The following RFTN1 variants were observed in gnomAD, a reference collection of about 807,000 sequenced individuals.
The protein encoded by RFTN1 is raftlin.
RFTN1 carries 26 observed loss-of-function variants against 46.5 expected under a neutral mutation model. The ratio of observed to expected loss-of-function variants is 0.56; its 90% CI spans 0.41 to 0.78. The LOEUF is 0.78. Among genes scored for constraint, RFTN1 ranks in the 30% least tolerant of loss-of-function variants. The pLI is 0.00. For missense variants in RFTN1, 693 were observed against 718.7 expected (o/e 0.96, Z 0.41); for synonymous variants, 261 against 284.2 (o/e 0.92, Z 0.82).
At chr3:16,398,470 T>C (rs149197484) in intron 4 of RFTN1, among the ~76,000 whole-genome samples, 18 of 152,272 alleles carry the variant, frequency 1.2e-4, no homozygotes, top group African/African-American at 4.3e-4. Flanking sequence ...GAGTGTCTGC[T>C]GTGAGCAAGA....
intron 7 of RFTN1, among the ~76,000 whole-genome samples, chr3:16,357,463 C>A (rs566452783): frequency 6.6e-6 from 1 of 152,308 alleles, no homozygotes; most frequent in South Asian, 2.1e-4. Flanking sequence ...TCAGTTTCCT[C>A]ATCTATATAA....
chr3:16,453,296 G>T (rs1033109602), intron 2 of RFTN1, among the ~76,000 whole-genome samples: 12 of 152,176 alleles, frequency 7.9e-5, no homozygotes, highest in Non-Finnish European at 1.8e-4. Flanking sequence ...ATCATAAAAT[G>T]ATGTCCAGAG....
intron 4 of RFTN1, among the ~76,000 whole-genome samples, chr3:16,394,610 C>T (rs1158414533): frequency 6.6e-6 from 1 of 152,122 alleles, no homozygotes; most frequent in East Asian, 1.9e-4. Flanking sequence ...TGCTCCTGCT[C>T]TATTAATATT....
At position 16,450,468 on chromosome 3, in the gene RFTN1, T is replaced by G. The variant is rs2075805071; in HGVS notation, c.146-16431A>C. The stretch of plus-strand genomic sequence containing the variant: ...GGCCCATCCAAGGGCTCTCTCCCAC[T>G]GCACCATGATGCTGCATGACCTGAA... On this transcript the variant is annotated intron_variant, in intron 2 of 9. Transcript: ENST00000334133. The surrounding 1 kb of genome is among the most constrained non-coding windows in gnomAD (Gnocchi z 4.6). 6.6e-6 allele frequency among the ~76,000 whole-genome samples: 1 copy of G among 152,204 alleles called. No homozygotes were observed. Among genetic ancestry groups the G allele is most frequent in the Non-Finnish European group, 1.5e-5 (1 of 68,030 alleles).
chr3:16,403,789 T>TTTA (rs2074692206), intron 4 of RFTN1, among the ~76,000 whole-genome samples: 1 of 12,856 alleles, frequency 7.8e-5, no homozygotes, highest in Admixed American at 1.6e-3. Flanking sequence ...ATTATATATT[T>TTTA]TATATATAAT....
rs1388001286 is a variant in RFTN1, at chr3:16,344,394, A to G, written c.1146+13538T>C. Among the ~76,000 whole-genome samples, 2 of 152,102 alleles carry G rather than the reference A, an allele frequency of 1.3e-5. No individual in the cohort carries two copies. Among genetic ancestry groups the G allele is most frequent in the East Asian group, 3.9e-4 (2 of 5,180 alleles). Reference sequence around the variant, plus strand: ...TCAACTATAATCTAATTTAGAAACAACATGTAAAAACAGATACATTCAGAA... The same window carrying G: ...TCAACTATAATCTAATTTAGAAACAGCATGTAAAAACAGATACATTCAGAA... On this transcript the variant is annotated intron_variant, in intron 7 of 9. Transcript: ENST00000334133. The surrounding 1 kb of genome is among the most constrained non-coding windows in gnomAD (Gnocchi z 4.4).
Position 16,377,974 on chromosome 3 carries a change from T to C in RFTN1, c.570A>G (p.Ala190=), listed in dbSNP as rs969034297. Reference sequence around the variant, plus strand: ...ACGCGTGATCCCCACGTGCGTTTTTTGCATCTCTGGCATCCTCGGTGCTGT... The same window carrying C: ...ACGCGTGATCCCCACGTGCGTTTTTCGCATCTCTGGCATCCTCGGTGCTGT... ...TANSTEDARD[A]KNARGDHASL... is the part of the protein sequence containing the mutation. The change falls in exon 5 of 10, where the codon GCA becomes GCG. Residue 190 remains alanine, a synonymous_variant. Coordinates refer to ENST00000334133, the MANE Select transcript of RFTN1 (RefSeq NM_015150.2). The C allele has an allele frequency of 1.7e-5, 28 of 1,614,138 alleles. No homozygotes were observed. Among genetic ancestry groups the C allele is most frequent in the Non-Finnish European group, 2.3e-5 (27 of 1,180,054 alleles).
In RFTN1 at chr3:16,385,365, C is replaced by G. The variant is rs530690598; in HGVS notation, c.442-7263G>C. 6.6e-6 allele frequency among the ~76,000 whole-genome samples: 1 copy of G among 152,202 alleles called. No homozygotes were observed. The highest frequency in any genetic ancestry group is 1.5e-5 in the Non-Finnish European group (1 of 68,038). On this transcript the variant is annotated intron_variant, in intron 4 of 9. Transcript: ENST00000334133. This position sits in a 1 kb window ranked among gnomAD's most constrained non-coding sequence, Gnocchi z 5.0. ...CAGAAATTGGAAGCTTTGCCAGGCG[C>G]TGCTGGATGTTTAGCTCCGTTTTAG...
At position 16,466,288 on chromosome 3, in the gene RFTN1, T is replaced by G. The variant is rs1293752886; in HGVS notation, c.145+27437A>C. ...GGTACACATGAGGACTGCATTCCTA[T>G]TCAGGGATTTACGTGGGAAAAAAAG... On this transcript the variant is annotated intron_variant, in intron 2 of 9. Transcript: ENST00000334133. This position sits in a 1 kb window ranked among gnomAD's most constrained non-coding sequence, Gnocchi z 5.6. Among the ~76,000 whole-genome samples, 2 of 152,236 alleles carry G rather than the reference T, an allele frequency of 1.3e-5. No individual in the cohort carries two copies. The highest frequency in any genetic ancestry group is 3.8e-4 in the East Asian group (2 of 5,202).
rs1163103064 is a variant in RFTN1 at position 16,428,273 on chromosome 3, C to A, written c.332+5578G>T. Among the ~76,000 whole-genome samples the A allele has an allele frequency of 6.6e-6, 1 of 152,114 alleles. No individual in the cohort carries two copies. The highest frequency in any genetic ancestry group is 2.4e-5 in the African/African-American group (1 of 41,404). ...ATTCCCACAAATGCTTCCCTAGGTG[C>A]AAAAATTTCACCATCCTAGGTGTGA... On this transcript the variant is annotated intron_variant, in intron 3 of 9. Coordinates refer to ENST00000334133, the MANE Select transcript of RFTN1 (RefSeq NM_015150.2). The surrounding 1 kb of genome is among the most constrained non-coding windows in gnomAD (Gnocchi z 4.7).
chr3:16,482,320 T>C lies in RFTN1; in HGVS notation c.145+11405A>G, dbSNP rs544601852. On this transcript the variant is annotated intron_variant, in intron 2 of 9. Transcript: ENST00000334133. ...TTGAGCTAAAGTATATCAAGCTGCA[T>C]TGCAAACAACACAGCATAAGACAAT... Among the ~76,000 whole-genome samples the C allele has an allele frequency of 7.2e-5, 11 of 152,310 alleles. 1 individual carries two copies. In the South Asian group the frequency reaches 1.2e-3, roughly 17 times the overall value.
chr3:16,390,968 C>T lies in RFTN1; in HGVS notation c.442-12866G>A, dbSNP rs962437442. 2.6e-5 allele frequency among the ~76,000 whole-genome samples: 4 copies of T among 152,230 alleles called. No individual in the cohort carries two copies. In the South Asian group the frequency reaches 8.3e-4, roughly 32 times the overall value. ...TCCATCTGATTTCTACTCCCTGTAC[C>T]CCCCATGACAACCTTTTTCTCTCTG... On this transcript the variant is annotated intron_variant, in intron 4 of 9. Transcript: ENST00000334133.
chr3:16,358,861 A>G (rs889525703), intron 6 of RFTN1, among the ~76,000 whole-genome samples: 5 of 151,826 alleles, frequency 3.3e-5, no homozygotes, highest in South Asian at 2.1e-4. Context: ...ATGAAACTCT[A>G]TCTATACTAA....
At position 16,511,145 on chromosome 3, in the gene RFTN1, G is replaced by A. The variant is rs1010753797; in HGVS notation, c.-9+2297C>T. On this transcript the variant is annotated intron_variant, in intron 1 of 9. Coordinates refer to ENST00000334133, the MANE Select transcript of RFTN1 (RefSeq NM_015150.2). Reference sequence around the variant, plus strand: ...GAGGGCAGAGAATGACTGAGAATGAGGATGAAGGCACCTGCTGGGGTGACA... The same window carrying A: ...GAGGGCAGAGAATGACTGAGAATGAAGATGAAGGCACCTGCTGGGGTGACA... 5.9e-5 allele frequency among the ~76,000 whole-genome samples: 9 copies of A among 152,300 alleles called. No homozygotes were observed. In the South Asian group the frequency reaches 1.9e-3, roughly 32 times the overall value.
chr3:16,433,762 C>T lies in RFTN1; in HGVS notation c.332+89G>A. 1 of 1,404,196 alleles carries T rather than the reference C, an allele frequency of 7.1e-7. No homozygotes were observed. The highest frequency in any genetic ancestry group is 1.7e-5 in the Admixed American group (1 of 59,332). 87.0% of individuals were successfully genotyped at this position (1,404,196 alleles called of 1,614,324 possible). On this transcript the variant is annotated intron_variant, in intron 3 of 9. Transcript: ENST00000334133. The surrounding 1 kb of genome is among the most constrained non-coding windows in gnomAD (Gnocchi z 4.4). ...CCTGAGGACAGCATGCAAATTTCAACCCCCAACCCCATCCTCTCACTTCCC... is the reference window on the plus strand; with the variant it reads ...CCTGAGGACAGCATGCAAATTTCAATCCCCAACCCCATCCTCTCACTTCCC...
chr3:16,386,214 T>C (rs1381568983), intron 4 of RFTN1, among the ~76,000 whole-genome samples: 2 of 152,058 alleles, frequency 1.3e-5, no homozygotes, highest in Non-Finnish European at 2.9e-5. Flanking sequence ...AGGATTCCTA[T>C]GAGAAGCAGG....
rs939885097 is a variant in RFTN1 at position 16,346,748 on chromosome 3, C to T, written c.1146+11184G>A. Among the ~76,000 whole-genome samples the T allele has an allele frequency of 4.6e-5, 7 of 152,262 alleles. No homozygotes were observed. The highest frequency in any genetic ancestry group is 1.7e-4 in the African/African-American group (7 of 41,552). ...GGGACGTGTGGCAGGAAAAAACTGC[C>T]CCGTTCTTCACGGTTGTCATCACAT... On this transcript the variant is annotated intron_variant, in intron 7 of 9. Coordinates refer to ENST00000334133, the MANE Select transcript of RFTN1 (RefSeq NM_015150.2). This position sits in a 1 kb window ranked among gnomAD's most constrained non-coding sequence, Gnocchi z 4.4.
intron 2 of RFTN1, among the ~76,000 whole-genome samples, chr3:16,487,149 A>C (rs185926798): frequency 3.3e-5 from 5 of 152,246 alleles, no homozygotes; most frequent in African/African-American, 1.2e-4. Context: ...TGTTTAAGCC[A>C]GTCTGTGGTA....
rs554548353 is a variant in RFTN1 at position 16,422,346 on chromosome 3, CCT to C, written c.332+11503_332+11504del. Among the ~76,000 whole-genome samples, 17 of 152,008 alleles carry C rather than the reference CCT, an allele frequency of 1.1e-4. No homozygotes were observed. Among genetic ancestry groups the C allele is most frequent in the South Asian group, 8.3e-4 (4 of 4,806 alleles). Reference sequence around the variant, plus strand: ...TCAAGATCCTAAAAAAGAATAGTGCCCTGGCCGGGTGTGGTGGCTCACGCCTG... The same window carrying C: ...TCAAGATCCTAAAAAAGAATAGTGCCGGCCGGGTGTGGTGGCTCACGCCTG... On this transcript the variant is annotated intron_variant, in intron 3 of 9. Transcript: ENST00000334133. This position sits in a 1 kb window ranked among gnomAD's most constrained non-coding sequence, Gnocchi z 4.6.
Sources: allele counts gnomAD v4.1 joint callset (sites outside exome capture counted in the v4.1 genomes callset), GRCh38; gene constraint gnomAD v4.1.1; non-coding constraint Gnocchi (gnomAD v3.1); transcripts MANE v1.5; gene names NCBI Gene and HGNC (gene_info 2026-07-23, HGNC 2026-07-21).